The following COL14A1 variants were observed in gnomAD, a reference collection of about 807,000 sequenced individuals.
The protein encoded by COL14A1 is collagen type XIV alpha 1 chain.
In COL14A1, 136 loss-of-function variants were observed where a neutral mutation model predicts 230.3. The observed-to-expected ratio is 0.59, with a 90% CI of 0.51 to 0.68. The LOEUF is 0.68. Ranked by LOEUF, COL14A1 falls within the 30% of genes least tolerant of loss-of-function variation. COL14A1 has a pLI of 0.00. For synonymous variants in COL14A1, 792 were observed against 784.1 expected (o/e 1.01, Z -0.17); for missense variants, 1,976 against 2,215.8 (o/e 0.89, Z 2.17).
At chr8:120,256,668 C>T (rs1819160800) in intron 23 of COL14A1, among the ~76,000 whole-genome samples, 1 of 152,064 alleles carries the variant, frequency 6.6e-6, no homozygotes, top group Non-Finnish European at 1.5e-5. Flanking sequence ...TTATGGGATG[C>T]CAAAAGTAGA....
chr8:120,196,952 A>C lies in COL14A1; in HGVS notation c.592+6A>C. 1 of 1,613,274 alleles carries C rather than the reference A, an allele frequency of 6.2e-7. No homozygotes were observed. Among genetic ancestry groups the C allele is most frequent in the East Asian group, 2.2e-5 (1 of 44,864 alleles). On this transcript the variant is annotated splice_donor_region_variant and intron_variant, in intron 6 of 47. Coordinates refer to ENST00000297848, the MANE Select transcript of COL14A1 (RefSeq NM_021110.4). ...CTCAGAGAAGACACGAATTGGTATA[A>C]TTTCTATTATTAGCAGTAGCAGTCA...
At chr8:120,263,868 A>G (rs1368372747) in intron 24 of COL14A1, among the ~76,000 whole-genome samples, 2 of 152,218 alleles carry the variant, frequency 1.3e-5, no homozygotes, top group African/African-American at 4.8e-5. Flanking sequence ...AAGAGAGGAT[A>G]AAAGTATAAT....
At chr8:120,253,424 T>C (rs1259224992) in intron 22 of COL14A1, among the ~76,000 whole-genome samples, 1 of 152,208 alleles carries the variant, frequency 6.6e-6, no homozygotes, top group Non-Finnish European at 1.5e-5. Flanking sequence ...AATAAATATA[T>C]TGAGCATTCC....
rs769082294 is a variant in COL14A1 at position 120,278,175 on chromosome 8, A to G, written c.3278A>G (p.Lys1093Arg). ...TEFKLNAYKTKETLLDAIKHI... is the reference protein window; with the variant it reads ...TEFKLNAYKTRETLLDAIKHI... ...TTTAAACTAAATGCTTACAAAACCA[A>G]AGAGACTCTTCTTGATGCAATTAAA... Residue 1093 changes from lysine to arginine, a missense_variant, in exon 27 of 48, where the codon AAA becomes AGA. Lys to Arg is a conservative substitution (Grantham distance 26). This residue lies in a region of COL14A1 where 1,791 missense variants were observed against 2,019.5 expected (regional missense o/e 0.89). Coordinates refer to ENST00000297848, the MANE Select transcript of COL14A1 (RefSeq NM_021110.4). The G allele has an allele frequency of 2.5e-5, 40 of 1,612,154 alleles. No homozygotes were observed. In the South Asian group the frequency reaches 3.5e-4, roughly 14 times the overall value.
chr8:120,354,835 A>G (rs1326715456), intron 45 of COL14A1, among the ~76,000 whole-genome samples: 2 of 152,216 alleles, frequency 1.3e-5, no homozygotes, highest in African/African-American at 2.4e-5. Context: ...CATTTGCATA[A>G]CATCATGCTT....
At chr8:120,329,040 T>G (rs1821781919) in intron 40 of COL14A1, among the ~76,000 whole-genome samples, 1 of 152,198 alleles carries the variant, frequency 6.6e-6, no homozygotes, top group Non-Finnish European at 1.5e-5. Flanking sequence ...AAAAGATGCC[T>G]TTTTGGAAAT....
intron 19 of COL14A1, among the ~76,000 whole-genome samples, chr8:120,234,626 C>T (rs542508188): frequency 5.3e-5 from 8 of 151,874 alleles, no homozygotes; most frequent in Admixed American, 2.0e-4. Flanking sequence ...TATTGATTTG[C>T]GAATGTTGAA....
chr8:120,191,774 G>T (rs918038945), intron 5 of COL14A1, among the ~76,000 whole-genome samples: 2 of 151,954 alleles, frequency 1.3e-5, no homozygotes, highest in South Asian at 2.1e-4. Context: ...TCTTCTTGTT[G>T]AATTGATCCC....
intron 23 of COL14A1, 23 bp from the exon 24 acceptor site, chr8:120,262,845 G>C (rs373029590): frequency 1.9e-6 from 3 of 1,580,472 alleles, no homozygotes; most frequent in Non-Finnish European, 2.6e-6. Flanking sequence ...GTGTGTTTTT[G>C]TTTTGTTTTG....
chr8:120,198,949 G>T (rs1018631340), intron 7 of COL14A1, among the ~76,000 whole-genome samples: 1 of 152,144 alleles, frequency 6.6e-6, no homozygotes, highest in Non-Finnish European at 1.5e-5. Context: ...TGCTCAAAAG[G>T]CAGGAGTACG....
intron 4 of COL14A1, among the ~76,000 whole-genome samples, chr8:120,167,100 G>A (rs970994151): frequency 2.0e-5 from 3 of 151,608 alleles, no homozygotes; most frequent in African/African-American, 2.4e-5. Context: ...TTAATCTCTG[G>A]GTAGCAGAAA....
At chr8:120,256,265 C>G (rs2129720919) in intron 23 of COL14A1, among the ~76,000 whole-genome samples, 1 of 152,222 alleles carries the variant, frequency 6.6e-6, no homozygotes, top group East Asian at 1.9e-4. Flanking sequence ...GCAAAATGAC[C>G]TAATTATTTC....
chr8:120,206,043 A>C (rs1817419557), intron 9 of COL14A1, among the ~76,000 whole-genome samples: 1 of 152,166 alleles, frequency 6.6e-6, no homozygotes, highest in African/African-American at 2.4e-5. Flanking sequence ...AGTATATGTT[A>C]GTTGCTTTTT....
chr8:120,367,452 A>C (rs1563760472), intron 46 of COL14A1, among the ~76,000 whole-genome samples: 2 of 152,162 alleles, frequency 1.3e-5, no homozygotes, highest in African/African-American at 2.4e-5. Context: ...CTGGGATCTT[A>C]TTGTTTGTGT....
chr8:120,298,597 TTATATATATATATA>T (rs59846403), intron 35 of COL14A1, among the ~76,000 whole-genome samples: 2,497 of 57,968 alleles, frequency 0.043, 104 homozygotes, highest in South Asian at 0.11. Context: ...CCCATATATT[TTATATATATATATA>T]TATATATATA....
intron 5 of COL14A1, among the ~76,000 whole-genome samples, chr8:120,177,371 T>G (rs1816313327): frequency 6.6e-6 from 1 of 152,056 alleles, no homozygotes; most frequent in African/African-American, 2.4e-5. Flanking sequence ...AGTAAGGGCC[T>G]AGTGCAGTGA....
At chr8:120,150,324 T>C (rs1815240351) in intron 2 of COL14A1, among the ~76,000 whole-genome samples, 1 of 152,144 alleles carries the variant, frequency 6.6e-6, no homozygotes, top group African/African-American at 2.4e-5. Flanking sequence ...AAACAAGTCA[T>C]GAGAGATCAT....
intron 2 of COL14A1, among the ~76,000 whole-genome samples, chr8:120,156,909 T>G (rs1421527219): frequency 6.6e-6 from 1 of 152,186 alleles, no homozygotes; most frequent in Admixed American, 6.5e-5. Flanking sequence ...TGTAGGAGAA[T>G]GTTTGTTTCT....
chr8:120,202,989 A>AATATATATATATATATAT (rs201356550), intron 8 of COL14A1, among the ~76,000 whole-genome samples: 2,610 of 105,958 alleles, frequency 0.025, 91 homozygotes, highest in Non-Finnish European at 0.034. Flanking sequence ...AATAATTTCA[A>AATATATATATATATATAT]ATATATATAT....
Sources: gnomAD v4.1 joint callset for allele counts (sites outside exome capture counted in the v4.1 genomes callset) on GRCh38, gnomAD v4.1.1 for gene constraint, gnomAD v4.1.1 regional missense constraint, MANE v1.5 for transcripts, NCBI Gene and HGNC (gene_info 2026-07-23, HGNC 2026-07-21) for gene names.